Variants in SYK observed in about 807,000 individuals in gnomAD.
The protein encoded by SYK is spleen associated tyrosine kinase, also known as tyrosine-protein kinase SYK.
SYK carries 16 observed loss-of-function variants against 77.8 expected under a neutral mutation model. The ratio of observed to expected loss-of-function variants is 0.21; its 90% CI spans 0.14 to 0.31. SYK has a LOEUF of 0.31. Ranked by LOEUF, SYK falls within the 10% of genes least tolerant of loss-of-function variation. The pLI, the probability that SYK is intolerant of heterozygous loss-of-function variation, is 1.00. For synonymous variants in SYK, 312 were observed against 308.7 expected (o/e 1.01, Z -0.11); for missense variants, 529 against 814.4 (o/e 0.65, Z 4.26).
At chr9:90,893,323 G>C (rs1447045238) in intron 13 of SYK, among the ~76,000 whole-genome samples, 2 of 152,186 alleles carry the variant, frequency 1.3e-5, no homozygotes, top group Non-Finnish European at 2.9e-5. Flanking sequence ...AAGCACATTG[G>C]AGCTTCTAGA....
chr9:90,874,062 T>G (rs758643550), intron 7 of SYK, 142 bp from the exon 8 acceptor site: 29 of 705,202 alleles, frequency 4.1e-5, no homozygotes, highest in Non-Finnish European at 6.3e-5. Flanking sequence ...CCTTATTTTC[T>G]TCCCTGTTTT....
intron 13 of SYK, among the ~76,000 whole-genome samples, chr9:90,889,046 TG>T (rs952401300): frequency 2.6e-5 from 4 of 152,214 alleles, no homozygotes; most frequent in Admixed American, 6.5e-5. Flanking sequence ...CCTCGGACTC[TG>T]GCCAGCTCAC....
intron 3 of SYK, among the ~76,000 whole-genome samples, chr9:90,856,151 T>C (rs1827029131): frequency 6.6e-6 from 1 of 152,204 alleles, no homozygotes; most frequent in Non-Finnish European, 1.5e-5. Flanking sequence ...TTGGACAACT[T>C]AATTTTGCTC....
intron 1 of SYK, among the ~76,000 whole-genome samples, chr9:90,818,732 A>G (rs924141939): frequency 4.6e-5 from 7 of 152,266 alleles, no homozygotes; most frequent in African/African-American, 1.4e-4. Context: ...AGTCCCAATA[A>G]AGTGGAAGCT....
chr9:90,850,046 A>T (rs1172675778), intron 3 of SYK, among the ~76,000 whole-genome samples: 94 of 152,298 alleles, frequency 6.2e-4, no homozygotes, highest in Non-Finnish European at 3.1e-4. Context: ...CAGGTGAGTC[A>T]TTCTTCTGCA....
At chr9:90,891,807 C>T (rs1465129013) in intron 13 of SYK, among the ~76,000 whole-genome samples, 1 of 152,114 alleles carries the variant, frequency 6.6e-6, no homozygotes, top group East Asian at 1.9e-4. Flanking sequence ...CCTGGTAACC[C>T]AGGCTATTGC....
chr9:90,807,945 T>C (rs911156493), intron 1 of SYK, among the ~76,000 whole-genome samples: 4 of 152,220 alleles, frequency 2.6e-5, no homozygotes, highest in Admixed American at 6.5e-5. Context: ...GTGTATGTCT[T>C]CTTAATACCT....
chr9:90,875,263 A>G, intron 9 of SYK, among the ~76,000 whole-genome samples: 1 of 151,968 alleles, frequency 6.6e-6, no homozygotes, highest in East Asian at 1.9e-4. Context: ...AAATAAATAA[A>G]TAAAACATAA....
chr9:90,803,871 C>T lies in SYK; in HGVS notation c.-42+1978C>T, dbSNP rs143324563. On this transcript the variant is annotated intron_variant, in intron 1 of 13. Coordinates refer to ENST00000375754, the MANE Select transcript of SYK (RefSeq NM_003177.7). The stretch of plus-strand genomic sequence containing the variant: ...CATTCCAATATAGTCTGGAGAGAAT[C>T]CTGTAATTCCATGCATTAATATTTC... Among the ~76,000 whole-genome samples the T allele has an allele frequency of 2.3e-3, 344 of 152,218 alleles. 1 individual carries two copies. Among genetic ancestry groups the T allele is most frequent in the Non-Finnish European group, 4.4e-3 (299 of 68,006 alleles).
chr9:90,832,709 C>T (rs1276638797), intron 1 of SYK, among the ~76,000 whole-genome samples: 1 of 152,204 alleles, frequency 6.6e-6, no homozygotes, highest in Non-Finnish European at 1.5e-5. Context: ...CTTAAATATC[C>T]ATTAAGCACT....
chr9:90,895,422 C>T lies in SYK; in HGVS notation c.1836-106C>T, dbSNP rs1828946073. The T allele has an allele frequency of 7.1e-5, 85 of 1,191,724 alleles. 3 individuals are homozygous for T. The South Asian group carries it at 1.1e-3, about 15-fold the overall frequency. The allele number at this position is 1,191,724 out of a possible 1,614,324, so 73.8% of individuals were successfully genotyped here. ...GTGAGCTGCAGGCCCTAGAGTTAGC[C>T]ACCAGGGAGCAGCACCACTGGTACT... is the stretch of plus-strand genomic sequence containing the variant. On this transcript the variant is annotated intron_variant, in intron 13 of 13. Transcript: ENST00000375754. This position sits in a 1 kb window ranked among gnomAD's most constrained non-coding sequence, Gnocchi z 4.4.
At chr9:90,871,546 A>C (rs976148968) in intron 7 of SYK, among the ~76,000 whole-genome samples, 3 of 151,936 alleles carry the variant, frequency 2.0e-5, no homozygotes, top group African/African-American at 7.3e-5. Flanking sequence ...TCTTTTAGAG[A>C]TTGTTTTGGT....
intron 11 of SYK, among the ~76,000 whole-genome samples, chr9:90,884,416 C>CATATACACATATGTGTGTACAT (rs1828350992): frequency 1.5e-5 from 1 of 68,646 alleles, no homozygotes; most frequent in Non-Finnish European, 2.9e-5. Flanking sequence ...TGTATATATA[C>CATATACACATATGTGTGTACAT]ATACATATAC....
intron 1 of SYK, among the ~76,000 whole-genome samples, chr9:90,814,059 T>G (rs1266030143): frequency 1.3e-5 from 2 of 151,844 alleles, no homozygotes; most frequent in Admixed American, 6.6e-5. Flanking sequence ...CATGGCACCC[T>G]CTTTGCATAT....
At chr9:90,840,276 C>T (rs959430523) in intron 1 of SYK, among the ~76,000 whole-genome samples, 1 of 152,096 alleles carries the variant, frequency 6.6e-6, no homozygotes, top group Admixed American at 6.6e-5. Flanking sequence ...GGAGCAGCAG[C>T]GTCTCAGGCC....
chr9:90,845,680 C>T, intron 3 of SYK, 86 bp downstream of exon 3: 1 of 1,511,374 alleles, frequency 6.6e-7, no homozygotes, highest in African/African-American at 1.4e-5. Flanking sequence ...TGACTGGCCC[C>T]ACATGACCCT....
intron 9 of SYK, among the ~76,000 whole-genome samples, chr9:90,875,932 G>A (rs1309763105): frequency 2.6e-5 from 4 of 151,968 alleles, no homozygotes; most frequent in Non-Finnish European, 5.9e-5. Flanking sequence ...AAAAAAATTC[G>A]TGAGTAGGTA....
chr9:90,884,978 T>C (rs1030114265), intron 11 of SYK, among the ~76,000 whole-genome samples: 1 of 125,484 alleles, frequency 8.0e-6, no homozygotes, highest in Admixed American at 8.3e-5. Flanking sequence ...TATATATATA[T>C]ACCCAACATA....
At chr9:90,875,863 A>G (rs912873317) in intron 9 of SYK, among the ~76,000 whole-genome samples, 4 of 152,190 alleles carry the variant, frequency 2.6e-5, no homozygotes, top group South Asian at 2.1e-4. Flanking sequence ...TGATACTAAT[A>G]TGAATGTGGT....
Sources: gnomAD v4.1 joint callset for allele counts (sites outside exome capture counted in the v4.1 genomes callset) on GRCh38, gnomAD v4.1.1 for gene constraint, Gnocchi (gnomAD v3.1) non-coding constraint, MANE v1.5 for transcripts, NCBI Gene and HGNC (gene_info 2026-07-23, HGNC 2026-07-21) for gene names.